GRAMD1B: variants seen among roughly 807,000 people sequenced by gnomAD.
GRAMD1B encodes the protein protein Aster-B.
GRAMD1B carries 37 observed loss-of-function variants against 99.7 expected under a neutral mutation model. That is an observed-to-expected ratio of 0.37 (90% CI 0.29 to 0.49). GRAMD1B has a LOEUF of 0.49. Ranked by LOEUF, GRAMD1B falls within the 20% of genes least tolerant of loss-of-function variation. The pLI, the probability that GRAMD1B is intolerant of heterozygous loss-of-function variation, is 0.98. For missense variants in GRAMD1B, 888 were observed against 1,009.2 expected (o/e 0.88, Z 1.63); for synonymous variants, 427 against 387.6 (o/e 1.10, Z -1.19).
chr11:123,526,034 T>C, intron 2 of GRAMD1B: 1 of 867,812 alleles, frequency 1.2e-6, no homozygotes, highest in Non-Finnish European at 1.9e-6. Flanking sequence ...CAAGTCACAT[T>C]ACATGGGATT....
intron 1 of GRAMD1B, among the ~76,000 whole-genome samples, chr11:123,446,118 T>G (rs1171342996): frequency 6.6e-6 from 1 of 152,128 alleles, no homozygotes; most frequent in East Asian, 1.9e-4. Flanking sequence ...GCTTTGTACT[T>G]GGACCTCACT....
chr11:123,541,653 C>G (rs1464858773), intron 2 of GRAMD1B, among the ~76,000 whole-genome samples: 2 of 150,908 alleles, frequency 1.3e-5, no homozygotes, highest in Non-Finnish European at 2.9e-5. Context: ...CAAGTACTTT[C>G]CCAGAGTTTC....
intron 3 of GRAMD1B, among the ~76,000 whole-genome samples, chr11:123,583,338 GGT>G (rs1949649711): frequency 1.3e-5 from 2 of 148,702 alleles, no homozygotes; most frequent in South Asian, 4.5e-4. Flanking sequence ...GCATGTGTGT[GGT>G]GTGCACGTGT....
intron 11 of GRAMD1B, 177 bp from the exon 12 acceptor site, chr11:123,608,482 C>G (rs146768733): frequency 3.9e-6 from 6 of 1,522,674 alleles, no homozygotes; most frequent in Non-Finnish European, 5.3e-6. Context: ...AGAAAGAGAC[C>G]GAAAGCAAAG....
intron 3 of GRAMD1B, among the ~76,000 whole-genome samples, chr11:123,583,910 G>A (rs1490517421): frequency 6.6e-6 from 1 of 152,088 alleles, no homozygotes; most frequent in Non-Finnish European, 1.5e-5. Flanking sequence ...CTTTTACAGG[G>A]GGCTGTCTTA....
intron 2 of GRAMD1B, among the ~76,000 whole-genome samples, chr11:123,550,208 G>A (rs894088384): frequency 7.9e-5 from 12 of 152,150 alleles, no homozygotes; most frequent in African/African-American, 7.2e-5. Context: ...AATGAATTCC[G>A]TGCTTTACTT....
intron 3 of GRAMD1B, chr11:123,578,370 C>A: frequency 6.7e-7 from 1 of 1,491,758 alleles, no homozygotes; most frequent in Non-Finnish European, 9.0e-7. Flanking sequence ...TCTTCTTCCC[C>A]ACCATTTCCC....
In GRAMD1B at chr11:123,431,100, G is replaced by A. The variant is rs959228537; in HGVS notation, c.308G>A (p.Arg103His). The change falls in exon 1 of 20, where the codon CGC becomes CAC. Residue 103 changes from arginine (R) to histidine (H), a missense_variant. This residue lies in a region of GRAMD1B where 233 missense variants were observed against 154.6 expected (regional missense o/e 1.51). Transcript: ENST00000635736. ...TGCTCCACACCCAGCGCGTCCCCGC[G>A]CCGAAAACGCTTCCTCCTCCGCAAG... ...SNCSTPSASP[R>H]RKRFLLRKWL... 2.8e-6 allele frequency: 2 copies of A among 703,046 alleles called. No homozygotes were observed. The highest frequency in any genetic ancestry group is 4.0e-5 in the Admixed American group (2 of 50,018). 43.6% of individuals were successfully genotyped at this position (703,046 alleles called of 1,614,324 possible).
intron 1 of GRAMD1B, among the ~76,000 whole-genome samples, chr11:123,433,563 A>T (rs138790977): frequency 6.6e-6 from 1 of 152,254 alleles, no homozygotes; most frequent in East Asian, 1.9e-4. Context: ...TTGTGGTGTG[A>T]GGATCACATG....
At chr11:123,382,111 G>A (rs1259934425) in intron 1 of GRAMD1B, among the ~76,000 whole-genome samples, 3 of 152,192 alleles carry the variant, frequency 2.0e-5, no homozygotes, top group African/African-American at 7.2e-5. Flanking sequence ...AAAGCTAGGG[G>A]ATTTTTCTGG....
chr11:123,515,266 C>T (rs1321765652), intron 2 of GRAMD1B, among the ~76,000 whole-genome samples: 1 of 152,118 alleles, frequency 6.6e-6, no homozygotes, highest in Admixed American at 6.5e-5. Context: ...TGGCTCTGAA[C>T]TGCCCGTGAG....
At chr11:123,413,070 C>T (rs1488366821) in intron 1 of GRAMD1B, among the ~76,000 whole-genome samples, 1 of 152,216 alleles carries the variant, frequency 6.6e-6, no homozygotes, top group Admixed American at 6.5e-5. Context: ...GCGTGAGCCA[C>T]CGCACCCAGC....
intron 1 of GRAMD1B, among the ~76,000 whole-genome samples, chr11:123,402,151 G>A (rs1947686976): frequency 6.6e-6 from 1 of 152,134 alleles, no homozygotes; most frequent in South Asian, 2.1e-4. Flanking sequence ...AAGTAGCTGG[G>A]CTTACAGGTG....
intron 2 of GRAMD1B, among the ~76,000 whole-genome samples, chr11:123,556,641 A>C (rs1946211246): frequency 6.6e-6 from 1 of 152,208 alleles, no homozygotes; most frequent in Non-Finnish European, 1.5e-5. Flanking sequence ...TCTCTGAAGG[A>C]AAGGTTTAAT....
Position 123,468,521 on chromosome 11 carries a change from C to T in GRAMD1B, c.375-12295C>T, listed in dbSNP as rs184995284. Among the ~76,000 whole-genome samples, 342 of 152,152 alleles carry T rather than the reference C, an allele frequency of 2.2e-3. 5 individuals carry two copies. Among genetic ancestry groups the T allele is most frequent in the South Asian group, 4.4e-3 (21 of 4,812 alleles). On this transcript the variant is annotated intron_variant, in intron 1 of 19. Coordinates refer to ENST00000635736, the MANE Select transcript of GRAMD1B (RefSeq NM_001387025.1). ...GATAAAGGTTAGTGCAGGCCAGGTG[C>T]GGTAGCTCACGCCTGTAATCCTGGC...
Position 123,627,330 on chromosome 11 carries a change from A to G in GRAMD1B, c.*4735A>G, listed in dbSNP as rs1955555277. The G allele has an allele frequency of 1.3e-5, 2 of 152,284 alleles. No homozygotes were observed. The highest frequency in any genetic ancestry group is 2.1e-4 in the South Asian group (1 of 4,840). 9.4% of individuals were successfully genotyped at this position (152,284 alleles called of 1,614,324 possible). On this transcript the variant is annotated 3_prime_UTR_variant, in exon 20 of 20. Coordinates refer to ENST00000635736, the MANE Select transcript of GRAMD1B (RefSeq NM_001387025.1). ...CAAAACAGCCATTTTTGCCAACAAT[A>G]GCTTGTGGCTCCCCACATTTTCCTA...
At chr11:123,598,559 G>A (rs1244388714) in intron 7 of GRAMD1B, 2 of 1,551,902 alleles carry the variant, frequency 1.3e-6, no homozygotes, top group African/African-American at 2.7e-5. Context: ...CAAACAAAGA[G>A]GTATCAAGTG....
chr11:123,570,833 A>G (rs1947997808), intron 2 of GRAMD1B, among the ~76,000 whole-genome samples: 1 of 152,186 alleles, frequency 6.6e-6, no homozygotes, highest in African/African-American at 2.4e-5. Flanking sequence ...GTCCTATGAG[A>G]TAGGTGTTTG....
At chr11:123,573,019 C>G (rs866959907) in intron 2 of GRAMD1B, among the ~76,000 whole-genome samples, 1,364 of 71,354 alleles carry the variant, frequency 0.019, no homozygotes, top group Middle Eastern at 0.13. Flanking sequence ...GGGCAGAGGC[C>G]CAGGTAGGCC....
Sources: allele counts gnomAD v4.1 joint callset (sites outside exome capture counted in the v4.1 genomes callset), GRCh38; gene constraint gnomAD v4.1.1; regional missense constraint gnomAD v4.1.1; transcripts MANE v1.5; gene names NCBI Gene and HGNC (gene_info 2026-07-23, HGNC 2026-07-21).